The following NAV2 variants were observed in gnomAD, a reference collection of about 807,000 sequenced individuals.
The protein encoded by NAV2 is neuron navigator 2, also known as helicase, APC down-regulated 1.
NAV2 carries 54 observed loss-of-function variants against 223.2 expected under a neutral mutation model. The observed-to-expected ratio is 0.24, with a 90% CI of 0.19 to 0.30. The LOEUF is 0.30. Ranked by LOEUF, NAV2 falls within the 10% of genes least tolerant of loss-of-function variation. The pLI is 1.00. For missense variants in NAV2, 2,806 were observed against 3,147.5 expected (o/e 0.89, Z 2.60); for synonymous variants, 1,279 against 1,239.3 (o/e 1.03, Z -0.67).
intron 1 of NAV2, among the ~76,000 whole-genome samples, chr11:19,420,025 G>A (rs1850543618): frequency 1.3e-5 from 2 of 152,192 alleles, no homozygotes; most frequent in Admixed American, 1.3e-4. Context: ...AGAGCAAGCA[G>A]TAAGGTGAGG....
At chr11:19,453,672 G>A (rs553086738) in intron 1 of NAV2, among the ~76,000 whole-genome samples, 16 of 152,246 alleles carry the variant, frequency 1.1e-4, no homozygotes, top group South Asian at 4.2e-4. Context: ...GCCTTGGAGC[G>A]GAGGCCATGT....
At chr11:19,704,764 G>C (rs2049607611) in intron 1 of NAV2, among the ~76,000 whole-genome samples, 2 of 152,146 alleles carry the variant, frequency 1.3e-5, no homozygotes, top group South Asian at 4.1e-4. Context: ...TGTAATCCCA[G>C]CACTTGGGGA....
intron 4 of NAV2, 69 bp from the exon 5 acceptor site, chr11:19,879,800 G>T: frequency 3.8e-6 from 6 of 1,584,560 alleles, no homozygotes; most frequent in South Asian, 2.2e-5. Flanking sequence ...CTCACGTGCC[G>T]ACTGAAACAG....
At chr11:19,739,017 C>CA (rs60202671) in intron 1 of NAV2, among the ~76,000 whole-genome samples, 37,936 of 152,008 alleles carry the variant, frequency 0.25, 5,201 homozygotes, top group African/African-American at 0.36. Flanking sequence ...GCCATCACTA[C>CA]AAAAAATACA....
chr11:20,023,211 T>C, intron 11 of NAV2: 1 of 1,279,238 alleles, frequency 7.8e-7, no homozygotes, highest in Non-Finnish European at 1.1e-6. Flanking sequence ...TGGCCGGTAT[T>C]GAAAAGCCTG....
chr11:19,758,052 A>G (rs1419358316), intron 1 of NAV2, among the ~76,000 whole-genome samples: 1 of 152,216 alleles, frequency 6.6e-6, no homozygotes, highest in Non-Finnish European at 1.5e-5. Context: ...GCATCATAAT[A>G]TTAACTCATT....
Position 19,946,413 on chromosome 11 carries a change from A to G in NAV2, c.2159A>G (p.Glu720Gly), listed in dbSNP as rs2046943687. ...CTCATCTTTCTAGGGGAAGATCCTG[A>G]GGCTCGGCGGCTGCGGACAGTGAAG... ...ALEELTGEDP[E>G]ARRLRTVKNI... The change falls in exon 9 of 38, where the codon GAG (glutamate) becomes GGG (glycine). Residue 720 changes from glutamate (E) to glycine (G), a missense_variant. By Grantham distance (98) the Glu-to-Gly change is moderately conservative. Around this residue, in one of 4 missense-constraint regions of NAV2, gnomAD observed 1,167 missense variants for 1,180.5 expected, o/e 0.99. Transcript: ENST00000349880. 1.2e-6 allele frequency: 2 copies of G among 1,612,408 alleles called. No homozygotes were observed. Among genetic ancestry groups the G allele is most frequent in the East Asian group, 4.5e-5 (2 of 44,840 alleles).
chr11:19,638,818 C>A (rs1240182114), intron 1 of NAV2, among the ~76,000 whole-genome samples: 2 of 152,078 alleles, frequency 1.3e-5, no homozygotes, highest in African/African-American at 4.8e-5. Flanking sequence ...CACGGTGAAA[C>A]CCCGTGTCTA....
At chr11:20,089,767 C>T (rs1364571374) in intron 26 of NAV2, among the ~76,000 whole-genome samples, 2 of 152,122 alleles carry the variant, frequency 1.3e-5, no homozygotes, top group South Asian at 2.1e-4. Context: ...CAATTCATCA[C>T]GACTTGTATG....
chr11:19,903,676 G>T (rs550574368), intron 6 of NAV2, among the ~76,000 whole-genome samples: 1 of 152,110 alleles, frequency 6.6e-6, no homozygotes, highest in East Asian at 1.9e-4. Flanking sequence ...AAGTCCTTTG[G>T]CTCCAGGACA....
intron 1 of NAV2, chr11:19,401,956 G>T (rs573238820): frequency 6.6e-6 from 1 of 152,176 alleles, no homozygotes; most frequent in African/African-American, 2.4e-5. Context: ...GAGATCGGGC[G>T]CATTCAGGGT....
chr11:19,932,446 G>A (rs368611568), intron 6 of NAV2, among the ~76,000 whole-genome samples: 5 of 152,046 alleles, frequency 3.3e-5, no homozygotes, highest in African/African-American at 1.2e-4. Flanking sequence ...AGCCTCCCAA[G>A]TAGCTGGGAT....
At chr11:19,819,977 G>A (rs992573930) in intron 1 of NAV2, among the ~76,000 whole-genome samples, 1 of 152,234 alleles carries the variant, frequency 6.6e-6, no homozygotes, top group African/African-American at 2.4e-5. Flanking sequence ...GCATGATAAG[G>A]CCAGACGTCC....
chr11:19,932,786 A>C (rs536648877), intron 6 of NAV2, among the ~76,000 whole-genome samples: 10 of 152,208 alleles, frequency 6.6e-5, no homozygotes, highest in Non-Finnish European at 1.2e-4. Context: ...TGTTTGCTTA[A>C]AGTTGGATAA....
intron 2 of NAV2, among the ~76,000 whole-genome samples, chr11:19,842,353 G>A (rs2060553843): frequency 6.6e-6 from 1 of 152,148 alleles, no homozygotes; most frequent in Non-Finnish European, 1.5e-5. Context: ...AAGTGATGAA[G>A]TCTCACTTTC....
intron 1 of NAV2, among the ~76,000 whole-genome samples, chr11:19,804,411 C>CT (rs1399828859): frequency 6.6e-6 from 1 of 152,134 alleles, no homozygotes; most frequent in African/African-American, 2.4e-5. Context: ...AAGAGACAGT[C>CT]TTTTTTAGTC....
chr11:19,425,832 C>A (rs1226447630), intron 1 of NAV2, among the ~76,000 whole-genome samples: 1 of 152,072 alleles, frequency 6.6e-6, no homozygotes, highest in East Asian at 1.9e-4. Flanking sequence ...GGATCCCAGG[C>A]CTGTAATTCT....
intron 10 of NAV2, among the ~76,000 whole-genome samples, chr11:19,973,922 C>T (rs1308970507): frequency 2.6e-5 from 4 of 152,112 alleles, no homozygotes; most frequent in African/African-American, 4.8e-5. Flanking sequence ...GTCCTGAGGC[C>T]GGTAGGCATT....
At chr11:19,905,140 C>T (rs781547137) in intron 6 of NAV2, among the ~76,000 whole-genome samples, 1 of 152,212 alleles carries the variant, frequency 6.6e-6, no homozygotes, top group African/African-American at 2.4e-5. Context: ...AAAAAGGCTG[C>T]ATCTTACGTG....
Sources: gnomAD v4.1 joint callset for allele counts (sites outside exome capture counted in the v4.1 genomes callset) on GRCh38, gnomAD v4.1.1 for gene constraint, gnomAD v4.1.1 regional missense constraint, MANE v1.5 for transcripts, NCBI Gene and HGNC (gene_info 2026-07-23, HGNC 2026-07-21) for gene names.